Variants in TAS2R1 observed in about 807,000 individuals in gnomAD.
TAS2R1 encodes the protein taste receptor type 2 member 1.
For synonymous variants in TAS2R1, 141 were observed against 134.2 expected, an observed-to-expected ratio of 1.05 and a Z score of -0.35; for missense variants, 370 against 353.4, an observed-to-expected ratio of 1.05 and a Z score of -0.38.
the TAS2R1 span, among the ~76,000 whole-genome samples, chr5:9,787,711 G>C: frequency 6.6e-6 from 1 of 152,168 alleles, no homozygotes; most frequent in Non-Finnish European, 1.5e-5. Context: ...CTCCTTTCCA[G>C]CAACTTTGCA....
the TAS2R1 span, among the ~76,000 whole-genome samples, chr5:9,837,208 A>G: frequency 6.6e-6 from 1 of 152,268 alleles, no homozygotes; most frequent in Non-Finnish European, 1.5e-5. Context: ...CACTACATTC[A>G]CAGAGAGCTC....
the TAS2R1 span, among the ~76,000 whole-genome samples, chr5:9,897,261 C>A: frequency 6.6e-6 from 1 of 152,060 alleles, no homozygotes; most frequent in Non-Finnish European, 1.5e-5. Flanking sequence ...CCAGCCTGGC[C>A]AATATGGTGA....
At chr5:9,658,352 C>T (rs1331173745) in intron 2 of TAS2R1, 3 of 152,172 alleles carry the variant, frequency 2.0e-5, no homozygotes, top group Non-Finnish European at 4.4e-5. Context: ...ACAATGCAAA[C>T]GCACGCATTA....
At chr5:9,652,642 C>T (rs1740330366) in intron 2 of TAS2R1, among the ~76,000 whole-genome samples, 1 of 152,168 alleles carries the variant, frequency 6.6e-6, no homozygotes, top group African/African-American at 2.4e-5. Flanking sequence ...TTAATCCATT[C>T]AAATTCAGGG....
chr5:9,709,168 G>A, intron 1 of TAS2R1, among the ~76,000 whole-genome samples: 1 of 145,746 alleles, frequency 6.9e-6, no homozygotes, highest in African/African-American at 2.5e-5. Context: ...TTCCGCACAT[G>A]TATCCTAGAA....
intron 1 of TAS2R1, among the ~76,000 whole-genome samples, chr5:9,707,075 C>T (rs1304485734): frequency 6.6e-6 from 1 of 152,166 alleles, no homozygotes; most frequent in Non-Finnish European, 1.5e-5. Context: ...ATCCTAAGCT[C>T]TTTAAGGTTC....
the TAS2R1 span, among the ~76,000 whole-genome samples, chr5:9,841,000 T>C: frequency 6.6e-6 from 1 of 151,578 alleles, no homozygotes; most frequent in South Asian, 2.1e-4. Context: ...TCAGCTCACA[T>C]TTACTTTTAA....
the TAS2R1 span, among the ~76,000 whole-genome samples, chr5:9,838,512 C>G: frequency 6.6e-6 from 1 of 152,034 alleles, no homozygotes; most frequent in Non-Finnish European, 1.5e-5. Context: ...AAGCAGGTTG[C>G]CTGTTATGCA....
chr5:9,843,637 C>T, the TAS2R1 span, among the ~76,000 whole-genome samples: 16 of 152,048 alleles, frequency 1.1e-4, no homozygotes, highest in African/African-American at 2.7e-4. Flanking sequence ...GGGTAAACCA[C>T]GAAAAATATA....
At chr5:9,717,343 A>G (rs1033781730), upstream of TAS2R1, among the ~76,000 whole-genome samples, 2 of 152,014 alleles carry the variant, frequency 1.3e-5, no homozygotes, top group Non-Finnish European at 2.9e-5. Context: ...GGGAATAAGG[A>G]GCCTGCAGAA....
intron 2 of TAS2R1, among the ~76,000 whole-genome samples, chr5:9,643,588 TA>T (rs912171400): frequency 6.6e-6 from 1 of 152,138 alleles, no homozygotes; most frequent in Non-Finnish European, 1.5e-5. Context: ...TCTAAATTCA[TA>T]AAAAATAAAG....
chr5:9,792,094 A>G, the TAS2R1 span, among the ~76,000 whole-genome samples: 1 of 152,200 alleles, frequency 6.6e-6, no homozygotes, highest in African/African-American at 2.4e-5. Context: ...TACACATTCA[A>G]TGTAGGGAAA....
At chr5:9,858,501 C>T in the TAS2R1 span, among the ~76,000 whole-genome samples, 4 of 152,148 alleles carry the variant, frequency 2.6e-5, no homozygotes, top group Admixed American at 2.0e-4. Context: ...ATGAAGCTTA[C>T]AAACAACACA....
chr5:9,768,607 A>G, the TAS2R1 span, among the ~76,000 whole-genome samples: 1 of 151,088 alleles, frequency 6.6e-6, no homozygotes, highest in Non-Finnish European at 1.5e-5. Flanking sequence ...TCCTTCTCCA[A>G]CTCCCATTCC....
the TAS2R1 span, among the ~76,000 whole-genome samples, chr5:9,882,156 A>G: frequency 6.6e-6 from 1 of 152,204 alleles, no homozygotes; most frequent in African/African-American, 2.4e-5. Flanking sequence ...TTAAATTTAC[A>G]AGAAAAAGAC....
the TAS2R1 span, among the ~76,000 whole-genome samples, chr5:9,728,635 G>C: frequency 6.6e-6 from 1 of 152,222 alleles, no homozygotes; most frequent in Non-Finnish European, 1.5e-5. Flanking sequence ...TGGGGGATGA[G>C]AGCTGCTGGG....
chr5:9,688,362 T>G (rs533761179), intron 1 of TAS2R1, among the ~76,000 whole-genome samples: 13 of 152,344 alleles, frequency 8.5e-5, no homozygotes, highest in East Asian at 5.8e-4. Flanking sequence ...ACTACTATCA[T>G]GTAACAAAAG....
chr5:9,825,408 C>A, the TAS2R1 span, among the ~76,000 whole-genome samples: 4 of 152,138 alleles, frequency 2.6e-5, no homozygotes, highest in African/African-American at 9.7e-5. Context: ...ATGAGAACAG[C>A]ACAGGAAAGA....
intron 1 of TAS2R1, among the ~76,000 whole-genome samples, chr5:9,672,870 A>G (rs1579777643): frequency 1.3e-5 from 2 of 152,328 alleles, no homozygotes; most frequent in Middle Eastern, 6.8e-3. Flanking sequence ...CACTAGTCAC[A>G]ATAGCAAAGA....
Sources: allele counts gnomAD v4.1 joint callset (sites outside exome capture counted in the v4.1 genomes callset), GRCh38; gene constraint gnomAD v4.1.1; transcripts MANE v1.5; gene names NCBI Gene and HGNC (gene_info 2026-07-23, HGNC 2026-07-21).